Variants in KIAA1958 observed in about 807,000 individuals in gnomAD.
KIAA1958 encodes uncharacterized protein KIAA1958.
In KIAA1958, 14 loss-of-function variants were observed where a neutral mutation model predicts 47.2. The observed-to-expected ratio is 0.30, with a 90% CI of 0.20 to 0.46. KIAA1958 has a LOEUF of 0.46. Among genes scored for constraint, KIAA1958 ranks in the 20% least tolerant of loss-of-function variants. KIAA1958 has a pLI of 1.00. For synonymous variants in KIAA1958, 354 were observed against 353.3 expected, an observed-to-expected ratio of 1.00 and a Z score of -0.02; for missense variants, 803 against 909.2, an observed-to-expected ratio of 0.88 and a Z score of 1.50.
chr9:112,564,071 G>T (rs377204685), intron 1 of KIAA1958, among the ~76,000 whole-genome samples: 1 of 152,128 alleles, frequency 6.6e-6, no homozygotes, highest in Non-Finnish European at 1.5e-5. Flanking sequence ...TACTCATGAG[G>T]AATATTGATC....
chr9:112,610,732 A>G (rs1836313742), intron 2 of KIAA1958, among the ~76,000 whole-genome samples: 1 of 152,216 alleles, frequency 6.6e-6, no homozygotes, highest in Non-Finnish European at 1.5e-5. Flanking sequence ...TTTCAAGTAT[A>G]GTTAATACTT....
In KIAA1958 at chr9:112,563,175, C is replaced by T. The variant is rs987958475; in HGVS notation, c.-24-10882C>T. On this transcript the variant is annotated intron_variant, in intron 1 of 3. Coordinates refer to ENST00000337530, the MANE Select transcript of KIAA1958 (RefSeq NM_133465.4). The stretch of plus-strand genomic sequence containing the variant: ...GAACTCCTGGGCTCAAGTGATCCTC[C>T]CACCTTGGCCTCCCAAAGTATTGGG... 2.6e-5 allele frequency among the ~76,000 whole-genome samples: 4 copies of T among 151,284 alleles called. 1 individual carries two copies. The highest frequency in any genetic ancestry group is 5.9e-5 in the Non-Finnish European group (4 of 67,872).
At position 112,574,799 on chromosome 9, in the gene KIAA1958, C is replaced by G. The variant is rs1835609962; in HGVS notation, c.719C>G (p.Thr240Ser). ...LTQMAKPKPQ[T>S]HAGPSCVGSA... is the part of the protein sequence containing the mutation. Reference sequence around the variant, plus strand: ...CAGATGGCAAAACCCAAGCCTCAGACTCACGCTGGTCCCTCCTGTGTAGGG... The same window carrying G: ...CAGATGGCAAAACCCAAGCCTCAGAGTCACGCTGGTCCCTCCTGTGTAGGG... Residue 240 changes from threonine (T) to serine (S), a missense_variant, in exon 2 of 4, where the codon ACT becomes AGT. Physicochemically the swap from Thr to Ser is moderately conservative, Grantham distance 58 (BLOSUM62 1). Coordinates refer to ENST00000337530, the MANE Select transcript of KIAA1958 (RefSeq NM_133465.4). The G allele has an allele frequency of 6.2e-7, 1 of 1,614,124 alleles. No individual in the cohort carries two copies. Among genetic ancestry groups the G allele is most frequent in the Non-Finnish European group, 8.5e-7 (1 of 1,179,966 alleles).
intron 1 of KIAA1958, among the ~76,000 whole-genome samples, chr9:112,512,604 G>T (rs1471097243): frequency 6.6e-6 from 1 of 152,034 alleles, no homozygotes; most frequent in East Asian, 1.9e-4. Flanking sequence ...TCATCCATTC[G>T]TTCAGGAAAT....
intron 1 of KIAA1958, among the ~76,000 whole-genome samples, chr9:112,540,904 T>C (rs1834929593): frequency 6.6e-6 from 1 of 151,940 alleles, no homozygotes. Flanking sequence ...TTATTTTTTG[T>C]AGAGACAGAG....
At chr9:112,651,653 C>T (rs1837056871) in intron 3 of KIAA1958, among the ~76,000 whole-genome samples, 1 of 152,170 alleles carries the variant, frequency 6.6e-6, no homozygotes, top group Admixed American at 6.5e-5. Context: ...GCCTCGGCTT[C>T]CCAAAGTGCT....
At chr9:112,601,625 A>G (rs62568633) in intron 2 of KIAA1958, among the ~76,000 whole-genome samples, 17,117 of 152,212 alleles carry the variant, frequency 0.11, 1,388 homozygotes, top group East Asian at 0.2. Flanking sequence ...TGCAGCACGC[A>G]CAGTGCCTGA....
chr9:112,631,488 G>C lies in KIAA1958; in HGVS notation c.1172-14162G>C, dbSNP rs372616146. ...AGGGAATGCAGCAAGCTGTGATTAC[G>C]CCACTGCACTCCAGCCTGGGGAATA... On this transcript the variant is annotated intron_variant, in intron 2 of 3. Transcript: ENST00000337530. Among the ~76,000 whole-genome samples, 105 of 134,492 alleles carry C rather than the reference G, an allele frequency of 7.8e-4. No homozygotes were observed. In the Middle Eastern group the frequency reaches 0.018, roughly 23 times the overall value. 88.2% of individuals were successfully genotyped at this position (134,492 alleles called of 152,430 possible).
At chr9:112,560,068 TG>T (rs1392037106) in intron 1 of KIAA1958, among the ~76,000 whole-genome samples, 1 of 152,026 alleles carries the variant, frequency 6.6e-6, no homozygotes, top group African/African-American at 2.4e-5. Flanking sequence ...GTAGCTGCAC[TG>T]ATTTTTTTTT....
At chr9:112,637,868 G>T (rs1156690763) in intron 2 of KIAA1958, among the ~76,000 whole-genome samples, 1 of 151,970 alleles carries the variant, frequency 6.6e-6, no homozygotes, top group African/African-American at 2.4e-5. Context: ...CTTATGCTGG[G>T]CCAGGCGCGG....
At chr9:112,578,863 A>C (rs1835692601) in intron 2 of KIAA1958, among the ~76,000 whole-genome samples, 1 of 152,032 alleles carries the variant, frequency 6.6e-6, no homozygotes, top group Non-Finnish European at 1.5e-5. Flanking sequence ...TCGCATCATG[A>C]GTTAGGGTTT....
Position 112,659,783 on chromosome 9 carries a change from C to T in KIAA1958, c.1865C>T (p.Ser622Phe). 6.2e-7 allele frequency: 1 copy of T among 1,614,150 alleles called. No homozygotes were observed. The highest frequency in any genetic ancestry group is 8.5e-7 in the Non-Finnish European group (1 of 1,180,030). ...VCHGKIYHEH[S>F]RGHKQCPYCL... Reference sequence around the variant, plus strand: ...CACGGGAAGATCTACCATGAGCATTCCCGGGGACACAAACAGTGCCCTTAC... The same window carrying T: ...CACGGGAAGATCTACCATGAGCATTTCCGGGGACACAAACAGTGCCCTTAC... Residue 622 changes from serine to phenylalanine, a missense_variant, in exon 4 of 4, where the codon TCC becomes TTC. By Grantham distance (155) the Ser-to-Phe change is radical. Around this residue, in one of 2 missense-constraint regions of KIAA1958, gnomAD observed 761 missense variants for 829.3 expected, o/e 0.92. Transcript: ENST00000337530.
intron 2 of KIAA1958, among the ~76,000 whole-genome samples, chr9:112,636,600 C>T (rs1423518642): frequency 6.6e-6 from 1 of 152,064 alleles, no homozygotes; most frequent in Admixed American, 6.5e-5. Flanking sequence ...TATATACCTT[C>T]CTGTTGAATT....
chr9:112,590,195 A>G (rs1835895972), intron 2 of KIAA1958, among the ~76,000 whole-genome samples: 1 of 152,150 alleles, frequency 6.6e-6, no homozygotes, highest in Non-Finnish European at 1.5e-5. Flanking sequence ...AGGTCCCTGA[A>G]TGATTTTATT....
Position 112,547,998 on chromosome 9 carries a change from C to CTTTT in KIAA1958, c.-24-26035_-24-26032dup, listed in dbSNP as rs372918486. Among the ~76,000 whole-genome samples, 6 of 94,570 alleles carry CTTTT rather than the reference C, an allele frequency of 6.3e-5. No homozygotes were observed. The East Asian group carries it at 1.8e-3, about 28-fold the overall frequency. The allele number at this position is 94,570 out of a possible 152,430, so 62.0% of individuals were successfully genotyped here. A position where few individuals can be genotyped will look rare whatever the true frequency, so the allele number is the denominator to read the frequency against. On this transcript the variant is annotated intron_variant, in intron 1 of 3. Transcript: ENST00000337530. ...TTCAACCAATTGCCAGTCAGAAAAT[C>CTTTT]TTTTTTTTTTTTTTTTTTTTTTTTT...
intron 1 of KIAA1958, among the ~76,000 whole-genome samples, chr9:112,513,307 G>GTAT (rs1398740412): frequency 7.3e-6 from 1 of 137,918 alleles, no homozygotes; most frequent in African/African-American, 2.7e-5. Context: ...GCCCGGCCAG[G>GTAT]GATAGGTGTC....
At chr9:112,547,188 C>A (rs986073023) in intron 1 of KIAA1958, among the ~76,000 whole-genome samples, 1 of 151,066 alleles carries the variant, frequency 6.6e-6, no homozygotes, top group Non-Finnish European at 1.5e-5. Context: ...ACCAGCCTGG[C>A]CAACATGGCG....
intron 1 of KIAA1958, among the ~76,000 whole-genome samples, chr9:112,570,683 A>G (rs1209287171): frequency 1.3e-5 from 2 of 152,360 alleles, no homozygotes; most frequent in East Asian, 3.9e-4. Flanking sequence ...TGCCAGTACC[A>G]AATCTGTATT....
intron 1 of KIAA1958, among the ~76,000 whole-genome samples, chr9:112,545,601 A>G (rs895077685): frequency 2.6e-4 from 39 of 152,310 alleles, no homozygotes; most frequent in African/African-American, 8.9e-4. Context: ...TGGAAATGCT[A>G]TCATCCCTTT....
Sources: gnomAD v4.1 joint callset for allele counts (sites outside exome capture counted in the v4.1 genomes callset) on GRCh38, gnomAD v4.1.1 for gene constraint, gnomAD v4.1.1 regional missense constraint, MANE v1.5 for transcripts, NCBI Gene and HGNC (gene_info 2026-07-23, HGNC 2026-07-21) for gene names.